The following CFAP44 variants were observed in gnomAD, a reference collection of about 807,000 sequenced individuals.
CFAP44 encodes cilia and flagella associated protein 44.
Under a neutral mutation model 216.2 loss-of-function variants are expected in CFAP44, and 134 were observed. The observed-to-expected ratio is 0.62, with a 90% CI of 0.54 to 0.72. The LOEUF (loss-of-function observed/expected upper bound fraction) is 0.72, where lower values mean the gene tolerates loss of function less well. CFAP44 is among the 30% of genes least tolerant of loss of function. The pLI, the probability that CFAP44 is intolerant of heterozygous loss-of-function variation, is 0.00. For synonymous variants in CFAP44, 700 were observed against 727.6 expected, an observed-to-expected ratio of 0.96 and a Z score of 0.61; for missense variants, 2,035 against 2,182.1, an observed-to-expected ratio of 0.93 and a Z score of 1.34.
intron 1 of CFAP44, among the ~76,000 whole-genome samples, chr3:113,439,766 T>C: frequency 6.6e-6 from 1 of 152,208 alleles, no homozygotes; most frequent in East Asian, 1.9e-4. Context: ...CAGAGTGCTG[T>C]CTAAGGTGAC....
At chr3:113,434,647 T>C (rs1370565149) in intron 1 of CFAP44, 2 of 152,232 alleles carry the variant, frequency 1.3e-5, no homozygotes, top group African/African-American at 4.8e-5. Flanking sequence ...CTCAACATTC[T>C]TCTACGATAT....
chr3:113,372,725 T>C (rs1401652639), intron 18 of CFAP44, among the ~76,000 whole-genome samples: 1 of 151,760 alleles, frequency 6.6e-6, no homozygotes, highest in Non-Finnish European at 1.5e-5. Flanking sequence ...ACTTAAAGTA[T>C]AATAATAAAA....
Position 113,356,886 on chromosome 3 carries a change from T to C in CFAP44, c.3065+1859A>G, listed in dbSNP as rs561457881. 1.2e-4 allele frequency among the ~76,000 whole-genome samples: 18 copies of C among 151,818 alleles called. No homozygotes were observed. The East Asian group carries it at 3.5e-3, about 29-fold the overall frequency. ...AAAGCCACATACTACAGCAAGGTAT[T>C]TTATATGTGTAAACACACACACACA... On this transcript the variant is annotated intron_variant, in intron 22 of 34. Coordinates refer to ENST00000393845, the MANE Select transcript of CFAP44 (RefSeq NM_001164496.2).
At chr3:113,382,593 C>G (rs559209859) in intron 15 of CFAP44, among the ~76,000 whole-genome samples, 2 of 151,662 alleles carry the variant, frequency 1.3e-5, no homozygotes, top group South Asian at 4.2e-4. Flanking sequence ...AGGAAACAAT[C>G]CAATAAACAG....
At chr3:113,328,696 T>TAAAAAAAAAAAAAAAA (rs58650082) in intron 26 of CFAP44, among the ~76,000 whole-genome samples, 7 of 28,560 alleles carry the variant, frequency 2.5e-4, no homozygotes, top group African/African-American at 4.3e-4. Flanking sequence ...TTAGAGAGCT[T>TAAAAAAAAAAAAAAAA]AAAAAAAAAA....
intron 24 of CFAP44, among the ~76,000 whole-genome samples, chr3:113,335,889 T>G (rs1469197914): frequency 6.6e-6 from 1 of 152,206 alleles, no homozygotes; most frequent in Non-Finnish European, 1.5e-5. Context: ...ATACAGACTA[T>G]TTTCTATTAC....
chr3:113,428,614 A>T (rs1305583628), intron 2 of CFAP44, among the ~76,000 whole-genome samples: 1 of 152,192 alleles, frequency 6.6e-6, no homozygotes, highest in African/African-American at 2.4e-5. Context: ...TAAAATCAAC[A>T]TTGAGAATAA....
chr3:113,387,188 T>C (rs1411511027), intron 15 of CFAP44, among the ~76,000 whole-genome samples: 1 of 152,124 alleles, frequency 6.6e-6, no homozygotes, highest in Non-Finnish European at 1.5e-5. Context: ...GGGCATGCAA[T>C]ATAGTGAGAC....
chr3:113,379,619 G>T, intron 16 of CFAP44, 68 bp from the exon 17 acceptor site: 1 of 1,247,402 alleles, frequency 8.0e-7, no homozygotes, highest in Admixed American at 2.4e-5. Flanking sequence ...CACCATTAGG[G>T]ATGACAATGA....
chr3:113,339,143 G>A (rs978466802), intron 24 of CFAP44, among the ~76,000 whole-genome samples: 1 of 152,094 alleles, frequency 6.6e-6, no homozygotes. Context: ...AAAATGAATG[G>A]TTCCTTCCTG....
chr3:113,404,511 T>G (rs189550045), intron 8 of CFAP44, among the ~76,000 whole-genome samples: 205 of 152,338 alleles, frequency 1.3e-3, no homozygotes, highest in African/African-American at 4.4e-3. Flanking sequence ...CCCAAGTGCA[T>G]GCCACCAAAC....
At chr3:113,412,370 C>G (rs1934507922) in intron 6 of CFAP44, among the ~76,000 whole-genome samples, 1 of 151,978 alleles carries the variant, frequency 6.6e-6, no homozygotes, top group South Asian at 2.1e-4. Context: ...GGATCGGGAC[C>G]CCTTTTCCAT....
chr3:113,335,783 CAT>C (rs1193949224), intron 24 of CFAP44, among the ~76,000 whole-genome samples: 1 of 152,194 alleles, frequency 6.6e-6, no homozygotes, highest in East Asian at 1.9e-4. Flanking sequence ...TGCAAGAAAG[CAT>C]ACTCTTTTCA....
chr3:113,340,759 A>G (rs79017669), intron 24 of CFAP44, among the ~76,000 whole-genome samples: 243 of 152,366 alleles, frequency 1.6e-3, no homozygotes, highest in East Asian at 0.011. Flanking sequence ...AACCAGCTCA[A>G]TTAGACCCCC....
intron 28 of CFAP44, among the ~76,000 whole-genome samples, chr3:113,312,231 C>A (rs1207264103): frequency 2.0e-5 from 3 of 147,848 alleles, no homozygotes; most frequent in Non-Finnish European, 4.5e-5. Flanking sequence ...GCCACCATGC[C>A]TGGCTAATTT....
Position 113,289,672 on chromosome 3 carries a change from A to G in CFAP44, c.*1885T>C, listed in dbSNP as rs998593655. On this transcript the variant is annotated 3_prime_UTR_variant, in exon 35 of 35. Transcript: ENST00000393845. ...CACACCCTGTTCAGTCCCCTCCCAC[A>G]TCACACAGGGTCAGCCTGTGACCCA... 2.6e-5 allele frequency: 4 copies of G among 152,130 alleles called. No homozygotes were observed. The highest frequency in any genetic ancestry group is 9.7e-5 in the African/African-American group (4 of 41,420). The allele number at this position is 152,130 out of a possible 1,614,324, so 9.4% of individuals were successfully genotyped here.
At chr3:113,373,628 A>G in intron 17 of CFAP44, 72 bp from the exon 18 acceptor site, 1 of 1,271,696 alleles carries the variant, frequency 7.9e-7, no homozygotes, top group Admixed American at 3.6e-5. Flanking sequence ...GAATTTTTTG[A>G]TTATTTCAAA....
rs573611767 is a variant in CFAP44 at position 113,354,989 on chromosome 3, G to A, written c.3065+3756C>T. Among the ~76,000 whole-genome samples, 3 of 152,304 alleles carry A rather than the reference G, an allele frequency of 2.0e-5. No individual in the cohort carries two copies. The South Asian group carries it at 6.2e-4, about 32-fold the overall frequency. On this transcript the variant is annotated intron_variant, in intron 22 of 34. Transcript: ENST00000393845. Reference sequence around the variant, plus strand: ...TCTGGTATCCATGGCTTCAAGACCTGAAGACGGATCACATCACAAGACTCT... The same window carrying A: ...TCTGGTATCCATGGCTTCAAGACCTAAAGACGGATCACATCACAAGACTCT...
chr3:113,373,886 T>A (rs1933253672), intron 17 of CFAP44, among the ~76,000 whole-genome samples: 3 of 152,328 alleles, frequency 2.0e-5, no homozygotes, highest in African/African-American at 7.2e-5. Flanking sequence ...GAACAAATAT[T>A]AGGGTTTTGC....
Sources: gnomAD v4.1 joint callset for allele counts (sites outside exome capture counted in the v4.1 genomes callset) on GRCh38, gnomAD v4.1.1 for gene constraint, MANE v1.5 for transcripts, NCBI Gene and HGNC (gene_info 2026-07-23, HGNC 2026-07-21) for gene names.